CLEC4M: variants seen among roughly 807,000 people sequenced by gnomAD.
The protein encoded by CLEC4M is C-type lectin domain family 4 member M.
In CLEC4M, 25 loss-of-function variants were observed where a neutral mutation model predicts 39.1. That is an observed-to-expected ratio of 0.64 (90% confidence interval 0.47 to 0.89). The LOEUF is 0.89. Ranked by LOEUF, CLEC4M falls within the 40% of genes least tolerant of loss-of-function variation. The pLI, the probability that CLEC4M is intolerant of heterozygous loss-of-function variation, is 0.00. For missense variants in CLEC4M, 353 were observed against 431.4 expected (o/e 0.82, Z 1.61); for synonymous variants, 155 against 177.4 (o/e 0.87, Z 1.00).
chr19:7,763,622 G>A (rs2034115690), intron 2 of CLEC4M, 146 bp downstream of exon 2: 2 of 631,516 alleles, frequency 3.2e-6, no homozygotes, highest in South Asian at 2.0e-5. Context: ...AGAGGACGGG[G>A]TAGGGATCTG....
intron 6 of CLEC4M, 172 bp from the exon 7 acceptor site, chr19:7,768,654 GGATGCAGCAAGA>G (rs1312842296): frequency 1.1e-5 from 6 of 552,106 alleles, no homozygotes; most frequent in East Asian, 3.0e-5. Context: ...CCCAAGGCTG[GGATGCAGCAAGA>G]GAGGCAGGAA....
Position 7,769,208 on chromosome 19 carries a change from T to G in CLEC4M, c.*220T>G, listed in dbSNP as rs2034416116. 8 of 479,072 alleles carry G rather than the reference T, an allele frequency of 1.7e-5. No individual in the cohort carries two copies. The highest frequency in any genetic ancestry group is 3.0e-5 in the Non-Finnish European group (8 of 263,710). 29.7% of individuals were successfully genotyped at this position (479,072 alleles called of 1,614,324 possible). A position where few individuals can be genotyped will look rare whatever the true frequency, so the allele number is the denominator to read the frequency against. ...GTGTTCTTGGCCCATCCTTGGAGCT[T>G]TATAAGTGACCTGAGTGGGATGCAT... On this transcript the variant is annotated 3_prime_UTR_variant, in exon 7 of 7. Transcript: ENST00000327325.
chr19:7,763,517 TCCCAGACC>T lies in CLEC4M; in HGVS notation c.130+44_130+51del, dbSNP rs767782568. On this transcript the variant is annotated intron_variant, in intron 2 of 6. Coordinates refer to ENST00000327325, the MANE Select transcript of CLEC4M (RefSeq NM_014257.5). Reference sequence around the variant, plus strand: ...GGAGCAGATAGTGGAAGACAGAGCCTCCCAGACCCCTGGGTCCTGGGGAGGTAGGTGTT... The same window carrying T: ...GGAGCAGATAGTGGAAGACAGAGCCTCCTGGGTCCTGGGGAGGTAGGTGTT... The T allele has an allele frequency of 1.0e-5, 16 of 1,556,198 alleles. No homozygotes were observed. The South Asian group carries it at 1.7e-4, about 16-fold the overall frequency.
chr19:7,765,013 G>T (rs1372447165), intron 2 of CLEC4M, among the ~76,000 whole-genome samples, 172 bp from the exon 3 acceptor site: 1 of 151,900 alleles, frequency 6.6e-6, no homozygotes, highest in Non-Finnish European at 1.5e-5. Context: ...TGGGGATGGG[G>T]TTCCTGGGTC....
intron 5 of CLEC4M, chr19:7,767,125 T>C (rs1255657883): frequency 2.2e-6 from 1 of 454,588 alleles, no homozygotes; most frequent in African/African-American, 2.0e-5. Flanking sequence ...ATATTTCCAC[T>C]GCGGCTGATT....
chr19:7,769,054 GCTT>G lies in CLEC4M; in HGVS notation c.*72_*74del, dbSNP rs78313592. The G allele has an allele frequency of 8.6e-3, 13,151 of 1,525,398 alleles. 907 individuals carry two copies. In the African/African-American group the frequency reaches 0.16, roughly 18 times the overall value. The allele number at this position is 1,525,398 out of a possible 1,614,324, so 94.5% of individuals were successfully genotyped here. A position where few individuals can be genotyped will look rare whatever the true frequency, so the allele number is the denominator to read the frequency against. On this transcript the variant is annotated 3_prime_UTR_variant, in exon 7 of 7. Transcript: ENST00000327325. ...GAACTTCACCCACTTGTAAGCCAGC[GCTT>G]CTTCTCTCCATCCTTGGACCTTCAC...
intron 2 of CLEC4M, 144 bp downstream of exon 2, chr19:7,763,620 G>A: frequency 1.5e-6 from 1 of 654,224 alleles, no homozygotes; most frequent in Non-Finnish European, 2.6e-6. Context: ...GAAGAGGACG[G>A]GGTAGGGATC....
At chr19:7,767,994 G>A (rs2034353832) in intron 6 of CLEC4M, 1 of 177,446 alleles carries the variant, frequency 5.6e-6, no homozygotes. Context: ...ACAGCAGGGG[G>A]CCGCTGGGGA....
intron 2 of CLEC4M, among the ~76,000 whole-genome samples, chr19:7,764,740 C>T (rs1369604617): frequency 2.6e-5 from 4 of 152,186 alleles, no homozygotes; most frequent in Non-Finnish European, 5.9e-5. Context: ...ATCTGCCTGC[C>T]TCAGCCTCCC....
At position 7,766,651 on chromosome 19, in the gene CLEC4M, A is replaced by G. The variant is rs537354631; in HGVS notation, c.785-5A>G. 6.2e-7 allele frequency: 1 copy of G among 1,614,222 alleles called. No individual in the cohort carries two copies. The highest frequency in any genetic ancestry group is 1.1e-5 in the South Asian group (1 of 91,084). On this transcript the variant is annotated splice_polypyrimidine_tract_variant and splice_region_variant and intron_variant, in intron 4 of 6. Coordinates refer to ENST00000327325, the MANE Select transcript of CLEC4M (RefSeq NM_014257.5). ...AGCCCAGCCCTGACCAGCCTCCCCC[A>G]ACAGAACGCCTGTGCCGCCACTGTC...
Position 7,763,345 on chromosome 19 carries a change from T to G in CLEC4M, c.46+33T>G, listed in dbSNP as rs1426714940. On this transcript the variant is annotated intron_variant, in intron 1 of 6. Transcript: ENST00000327325. ...TGGGTTGGAACTCTGGGATCCTGGG[T>G]AAGGGGAAGGGATGGCCCAGGCTCT... 3 of 1,611,356 alleles carry G rather than the reference T, an allele frequency of 1.9e-6. No homozygotes were observed. The South Asian group carries it at 3.3e-5, about 18-fold the overall frequency.
In CLEC4M at chr19:7,768,867, C is replaced by T. The variant is rs374271710; in HGVS notation, c.1079C>T (p.Pro360Leu). The T allele has an allele frequency of 8.7e-6, 14 of 1,613,982 alleles. No individual in the cohort carries two copies. In the East Asian group the frequency reaches 8.9e-5, roughly 10 times the overall value. ...CAGCGGTACTGGAACAGTGGAGAAC[C>T]CAACAATAGCGGGAATGAAGACTGT... is the stretch of plus-strand genomic sequence containing the variant. ...SFQRYWNSGE[P>L]NNSGNEDCAE... The change falls in exon 7 of 7, where the codon CCC (proline) becomes CTC (leucine). Residue 360 changes from proline (P) to leucine (L), a missense_variant. By Grantham distance (98) the Pro-to-Leu change is moderately conservative. This residue lies in a region of CLEC4M where 196 missense variants were observed against 211.7 expected (regional missense o/e 0.93). Transcript: ENST00000327325.
Position 7,765,721 on chromosome 19 carries a change from G to A in CLEC4M, c.298G>A (p.Val100Met), listed in dbSNP as rs761867042. ...GAACCTGACCCAGCTTAAAGCTGCA[G>A]TGGGTGAGCTCTCAGAGAAATCCAA... is the stretch of plus-strand genomic sequence containing the variant. ...YQNLTQLKAA[V>M]GELSEKSKLQ... The change falls in exon 4 of 7, where the codon GTG (valine) becomes ATG (methionine). Residue 100 changes from valine (V) to methionine (M), a missense_variant. Physicochemically the swap from Val to Met is conservative, Grantham distance 21. Around this residue, in one of 4 missense-constraint regions of CLEC4M, gnomAD observed 48 missense variants for 64.8 expected, o/e 0.74. Coordinates refer to ENST00000327325, the MANE Select transcript of CLEC4M (RefSeq NM_014257.5). The A allele has an allele frequency of 3.1e-6, 5 of 1,614,146 alleles. No homozygotes were observed. In the African/African-American group the frequency reaches 5.3e-5, roughly 17 times the overall value.
At position 7,763,292 on chromosome 19, in the gene CLEC4M, T is replaced by TGCA. The variant is rs1414522366; in HGVS notation, c.32_34dup (p.Gln11dup). On this transcript the variant is annotated inframe_insertion, in exon 1 of 7. Transcript: ENST00000327325. The stretch of plus-strand genomic sequence containing the variant: ...ATGAGTGACTCCAAGGAACCAAGGG[T>TGCA]GCAGCAGCTGGGCCTCCTGGGTAAG... 6.2e-7 allele frequency: 1 copy of TGCA among 1,607,976 alleles called. No homozygotes were observed. Among genetic ancestry groups the TGCA allele is most frequent in the East Asian group, 2.2e-5 (1 of 44,674 alleles).
At chr19:7,765,537 G>A (rs986694801) in intron 3 of CLEC4M, 101 bp from the exon 4 acceptor site, 14 of 1,545,876 alleles carry the variant, frequency 9.1e-6, no homozygotes, top group Middle Eastern at 1.7e-4. Context: ...GGGATTAACT[G>A]AGACCTTGGC....
intron 2 of CLEC4M, among the ~76,000 whole-genome samples, chr19:7,764,946 G>A (rs892261712): frequency 6.6e-6 from 1 of 152,062 alleles, no homozygotes; most frequent in Non-Finnish European, 1.5e-5. Context: ...TGGGTTCCTG[G>A]GACCTGGGGA....
chr19:7,765,362 A>G, intron 3 of CLEC4M, 94 bp downstream of exon 3: 1 of 1,420,140 alleles, frequency 7.0e-7, no homozygotes, highest in Non-Finnish European at 9.9e-7. Flanking sequence ...GGGAGGTGGG[A>G]CTGAGAGCCA....
Position 7,764,633 on chromosome 19 carries a change from C to A in CLEC4M, c.131-552C>A, listed in dbSNP as rs193111495. Reference sequence around the variant, plus strand: ...CCTCCCGAGTAGCTGGGACTACAGGCGCCCACCACCACCACGCCCGGCTAA... The same window carrying A: ...CCTCCCGAGTAGCTGGGACTACAGGAGCCCACCACCACCACGCCCGGCTAA... On this transcript the variant is annotated intron_variant, in intron 2 of 6. Coordinates refer to ENST00000327325, the MANE Select transcript of CLEC4M (RefSeq NM_014257.5). Among the ~76,000 whole-genome samples, 66 of 152,046 alleles carry A rather than the reference C, an allele frequency of 4.3e-4. 1 individual carries two copies. Among genetic ancestry groups the A allele is most frequent in the African/African-American group, 1.6e-3 (65 of 41,488 alleles).
At chr19:7,767,149 T>G (rs2034314028) in intron 5 of CLEC4M, 2 of 446,234 alleles carry the variant, frequency 4.5e-6, no homozygotes, top group Non-Finnish European at 8.3e-6. Context: ...AGCTGTGATG[T>G]GCTGTCACTC....
Sources: allele counts gnomAD v4.1 joint callset (sites outside exome capture counted in the v4.1 genomes callset), GRCh38; gene constraint gnomAD v4.1.1; regional missense constraint gnomAD v4.1.1; transcripts MANE v1.5; gene names NCBI Gene and HGNC (gene_info 2026-07-23, HGNC 2026-07-21).